The following IDO2 variants were observed in gnomAD, a reference collection of about 807,000 sequenced individuals.
The protein encoded by IDO2 is indoleamine 2,3-dioxygenase 2, also known as indoleamine 2,3-dioxygenase-like 1 protein.
IDO2 carries 46 observed loss-of-function variants against 45.1 expected under a neutral mutation model. That is an observed-to-expected ratio of 1.02 (90% CI 0.80 to 1.30). The LOEUF (loss-of-function observed/expected upper bound fraction) is 1.30, where lower values mean the gene tolerates loss of function less well. IDO2 is among the 50% of genes most tolerant of loss of function. The probability of loss-of-function intolerance (pLI) is 0.00; values close to 1 mark genes in which losing one functional copy is unlikely to be tolerated. For synonymous variants in IDO2, 218 were observed against 184.9 expected (o/e 1.18, Z -1.45); for missense variants, 544 against 491.8 (o/e 1.11, Z -1.00).
At chr8:39,972,481 G>A (rs995359016) in intron 3 of IDO2, among the ~76,000 whole-genome samples, 1 of 151,796 alleles carries the variant, frequency 6.6e-6, no homozygotes, top group Non-Finnish European at 1.5e-5. Context: ...ATGGTGGCAG[G>A]CTCCTGTGAT....
At chr8:39,973,710 C>T (rs947951322) in intron 3 of IDO2, among the ~76,000 whole-genome samples, 17 of 149,954 alleles carry the variant, frequency 1.1e-4, no homozygotes, top group African/African-American at 2.9e-4. Flanking sequence ...AGCTGTAAAA[C>T]GAAAATCATG....
chr8:39,989,930 G>T (rs544086626), intron 8 of IDO2, 92 bp downstream of exon 8: 3 of 735,610 alleles, frequency 4.1e-6, no homozygotes, highest in East Asian at 2.8e-5. Flanking sequence ...TGTCCTGAAG[G>T]GGGTGATAAT....
chr8:39,983,094 A>G (rs1585410462), intron 5 of IDO2, among the ~76,000 whole-genome samples: 1 of 152,336 alleles, frequency 6.6e-6, no homozygotes, highest in African/African-American at 2.4e-5. Context: ...CTCCATTCAT[A>G]TCAGGTTAAA....
chr8:39,953,107 T>C (rs1807835473), intron 2 of IDO2, among the ~76,000 whole-genome samples: 1 of 152,036 alleles, frequency 6.6e-6, no homozygotes, highest in South Asian at 2.1e-4. Context: ...TTTCACCATG[T>C]TGGTCAGGCT....
intron 8 of IDO2, among the ~76,000 whole-genome samples, chr8:40,001,840 G>C (rs1321202808): frequency 6.6e-6 from 1 of 152,018 alleles, no homozygotes; most frequent in East Asian, 1.9e-4. Context: ...AGGCTGGAGT[G>C]CAGTGGGTTG....
chr8:39,979,920 C>T (rs1332948671), intron 4 of IDO2, among the ~76,000 whole-genome samples: 1 of 152,158 alleles, frequency 6.6e-6, no homozygotes, highest in East Asian at 1.9e-4. Flanking sequence ...CTCCCAGGCT[C>T]AAGCAACCCT....
intron 1 of IDO2, among the ~76,000 whole-genome samples, chr8:39,940,419 A>T (rs975102889): frequency 1.3e-5 from 2 of 152,226 alleles, no homozygotes; most frequent in African/African-American, 4.8e-5. Context: ...AGGAAAGATG[A>T]GGTTACTACA....
chr8:40,009,124 C>T (rs1342680494), intron 9 of IDO2, among the ~76,000 whole-genome samples: 2 of 152,188 alleles, frequency 1.3e-5, no homozygotes, highest in Non-Finnish European at 1.5e-5. Context: ...AAGCTTTCCT[C>T]CTGCCTCAGC....
chr8:39,964,644 A>G (rs1808054966), intron 3 of IDO2, among the ~76,000 whole-genome samples: 1 of 152,242 alleles, frequency 6.6e-6, no homozygotes, highest in African/African-American at 2.4e-5. Context: ...AGAACCTTGT[A>G]AAAGATGAGT....
intron 5 of IDO2, among the ~76,000 whole-genome samples, chr8:39,983,826 T>C (rs1431410526): frequency 1.3e-5 from 2 of 150,994 alleles, no homozygotes; most frequent in Non-Finnish European, 2.9e-5. Flanking sequence ...AATCATGCCA[T>C]TGCACTCCAG....
At chr8:39,942,249 C>A (rs983904599) in intron 1 of IDO2, among the ~76,000 whole-genome samples, 11 of 152,186 alleles carry the variant, frequency 7.2e-5, no homozygotes, top group Non-Finnish European at 1.6e-4. Flanking sequence ...GGATTTCCTG[C>A]AGAAACAGAA....
intron 8 of IDO2, among the ~76,000 whole-genome samples, chr8:39,991,014 G>T (rs997886074): frequency 1.5e-4 from 23 of 152,102 alleles, no homozygotes; most frequent in Middle Eastern, 3.2e-3. Flanking sequence ...TTGCTTCCCT[G>T]CAGGAAAGAA....
intron 8 of IDO2, chr8:39,998,564 A>T (rs1375425363): frequency 6.6e-6 from 1 of 151,542 alleles, no homozygotes; most frequent in Non-Finnish European, 1.5e-5. Context: ...CTGCAAGGGA[A>T]TCAGTTCCAG....
At chr8:39,946,565 C>G (rs1380827346) in intron 1 of IDO2, among the ~76,000 whole-genome samples, 1 of 152,086 alleles carries the variant, frequency 6.6e-6, no homozygotes, top group African/African-American at 2.4e-5. Context: ...CGAGATCATG[C>G]CACTGCACTC....
At chr8:40,007,414 C>A (rs1009974414) in intron 9 of IDO2, among the ~76,000 whole-genome samples, 2 of 151,658 alleles carry the variant, frequency 1.3e-5, no homozygotes, top group East Asian at 1.9e-4. Flanking sequence ...AGAGTGGAAG[C>A]AAGAAGGTTT....
intron 9 of IDO2, among the ~76,000 whole-genome samples, chr8:40,007,550 G>A (rs1346517279): frequency 6.6e-6 from 1 of 152,034 alleles, no homozygotes; most frequent in Non-Finnish European, 1.5e-5. Context: ...GATAGGATTA[G>A]AAAAAGAAAA....
exon 1 of IDO2, chr8:39,935,151 C>A (rs1168975740): frequency 1.9e-6 from 3 of 1,597,598 alleles, no homozygotes; most frequent in East Asian, 2.2e-5. Flanking sequence ...TGAAAACCTT[C>A]TTAGGAAATG....
intron 1 of IDO2, among the ~76,000 whole-genome samples, chr8:39,945,761 T>G (rs1308750888): frequency 6.6e-6 from 1 of 152,212 alleles, no homozygotes; most frequent in African/African-American, 2.4e-5. Context: ...ATTTCATTTA[T>G]ATCTCTCATC....
intron 2 of IDO2, among the ~76,000 whole-genome samples, chr8:39,952,324 G>A (rs1038056293): frequency 6.6e-6 from 1 of 152,202 alleles, no homozygotes; most frequent in African/African-American, 2.4e-5. Context: ...GTACCTTCAT[G>A]TCCAGTGGCC....
Sources: gnomAD v4.1 joint callset for allele counts (sites outside exome capture counted in the v4.1 genomes callset) on GRCh38, gnomAD v4.1.1 for gene constraint, MANE v1.5 for transcripts, NCBI Gene and HGNC (gene_info 2026-07-23, HGNC 2026-07-21) for gene names.